The following AFG3L2 variants were observed in gnomAD, a reference collection of about 807,000 sequenced individuals.
AFG3L2 encodes mitochondrial inner membrane m-AAA protease component AFG3L2.
A neutral mutation model predicts 94.5 loss-of-function variants in AFG3L2; 54 were observed. The observed-to-expected ratio is 0.57, with a 90% CI of 0.46 to 0.72. The LOEUF (loss-of-function observed/expected upper bound fraction) is 0.72, where lower values mean the gene tolerates loss of function less well. Among genes scored for constraint, AFG3L2 ranks in the 30% least tolerant of loss-of-function variants. AFG3L2 has a pLI of 0.00. For synonymous variants in AFG3L2, 377 were observed against 365.5 expected (o/e 1.03, Z -0.36); for missense variants, 754 against 994.9 (o/e 0.76, Z 3.26).
At chr18:12,331,816 TA>T (rs1907539251) in intron 16 of AFG3L2, among the ~76,000 whole-genome samples, 1 of 1,492 alleles carries the variant, frequency 6.7e-4, no homozygotes, top group Admixed American at 0.019. Flanking sequence ...TAAATATATA[TA>T]TATATATATA....
chr18:12,334,401 T>C (rs374917311), intron 16 of AFG3L2, among the ~76,000 whole-genome samples: 40 of 152,254 alleles, frequency 2.6e-4, no homozygotes, highest in Admixed American at 2.6e-4. Context: ...ACCTCCTCAG[T>C]GCCTCACAGA....
chr18:12,376,956 A>C lies in AFG3L2; in HGVS notation c.114+13T>G, dbSNP rs991153513. On this transcript the variant is annotated intron_variant, in intron 1 of 16. Coordinates refer to ENST00000269143, the MANE Select transcript of AFG3L2 (RefSeq NM_006796.3). The stretch of plus-strand genomic sequence containing the variant: ...GCAGGGTGGAGGGCGCCGGGCGCCC[A>C]GGTAGGACTCACCGTCCGGAGGCAG... 2.8e-6 allele frequency: 4 copies of C among 1,445,228 alleles called. No individual in the cohort carries two copies. In the African/African-American group the frequency reaches 5.9e-5, roughly 21 times the overall value. The allele number at this position is 1,445,228 out of a possible 1,614,324, so 89.5% of individuals were successfully genotyped here.
In AFG3L2 at chr18:12,350,579, AG is replaced by A. The variant is rs973312997; in HGVS notation, c.1552+505del. Among the ~76,000 whole-genome samples the A allele has an allele frequency of 9.6e-4, 146 of 152,358 alleles. 1 individual carries two copies. Among genetic ancestry groups the A allele is most frequent in the African/African-American group, 3.4e-3 (142 of 41,588 alleles). The stretch of plus-strand genomic sequence containing the variant: ...TGAATTAGTAATTGTTCCTGAAACT[AG>A]GTGACAGGTACAGATGGGTTCATTA... On this transcript the variant is annotated intron_variant, in intron 12 of 16. Coordinates refer to ENST00000269143, the MANE Select transcript of AFG3L2 (RefSeq NM_006796.3).
chr18:12,335,631 A>C (rs747111749), intron 16 of AFG3L2, among the ~76,000 whole-genome samples: 15 of 152,192 alleles, frequency 9.9e-5, no homozygotes, highest in Non-Finnish European at 1.8e-4. Context: ...TTGGGTCTAC[A>C]GGGTCCACCA....
chr18:12,337,300 T>C, intron 16 of AFG3L2, 41 bp downstream of exon 16: 1 of 1,586,190 alleles, frequency 6.3e-7, no homozygotes, highest in Non-Finnish European at 8.7e-7. Context: ...AATCTTTTTT[T>C]TGCAAAACTG....
intron 4 of AFG3L2, 50 bp downstream of exon 4, chr18:12,367,226 T>C (rs377303274): frequency 1.9e-6 from 3 of 1,613,200 alleles, no homozygotes; most frequent in Non-Finnish European, 2.5e-6. Flanking sequence ...CCCAACCTTC[T>C]CTGGGCCACC....
At position 12,370,941 on chromosome 18, in the gene AFG3L2, A is replaced by G; in HGVS notation, c.215-15T>C. The G allele has an allele frequency of 7.0e-7, 1 of 1,426,622 alleles. No individual in the cohort carries two copies. Among genetic ancestry groups the G allele is most frequent in the Non-Finnish European group, 9.8e-7 (1 of 1,022,934 alleles). The allele number at this position is 1,426,622 out of a possible 1,614,324, so 88.4% of individuals were successfully genotyped here. Reference sequence around the variant, plus strand: ...TTTTTCAAATCCTGTTAGAAAAAGAAAAAAAATACTTATCTTCAAACTAAA... The same window carrying G: ...TTTTTCAAATCCTGTTAGAAAAAGAGAAAAAATACTTATCTTCAAACTAAA... On this transcript the variant is annotated splice_polypyrimidine_tract_variant and intron_variant, in intron 2 of 16. Coordinates refer to ENST00000269143, the MANE Select transcript of AFG3L2 (RefSeq NM_006796.3).
intron 3 of AFG3L2, among the ~76,000 whole-genome samples, chr18:12,369,811 C>T (rs1041921632): frequency 2.6e-5 from 4 of 151,800 alleles, no homozygotes; most frequent in Non-Finnish European, 4.4e-5. Flanking sequence ...AATCCCAGCA[C>T]TTTGGGAGGC....
Position 12,359,944 on chromosome 18 carries a change from G to A in AFG3L2, c.735C>T (p.Tyr245=). 11 of 1,613,750 alleles carry A rather than the reference G, an allele frequency of 6.8e-6. No individual in the cohort carries two copies. The highest frequency in any genetic ancestry group is 9.3e-6 in the Non-Finnish European group (11 of 1,180,016). Residue 245 remains tyrosine (Y), a synonymous_variant, in exon 7 of 17, where the codon TAC becomes TAT. Transcript: ENST00000269143. The stretch of plus-strand genomic sequence containing the variant: ...GAGATTACCCATCACTTTCAGCAAT[G>A]TAGACAACAGGCACCCGATTTTCTC... ...IEGENRVPVV[Y]IAESDGSFLL... is the part of the protein sequence containing the mutation.
chr18:12,353,060 A>C lies in AFG3L2; in HGVS notation c.1263T>G (p.Phe421Leu). The change falls in exon 10 of 17, where the codon TTT (phenylalanine) becomes TTG (leucine). Residue 421 changes from phenylalanine (F) to leucine (L), a missense_variant. Physicochemically the swap from Phe to Leu is conservative, Grantham distance 22. This residue lies in a region of AFG3L2 where 109 missense variants were observed against 227.1 expected (regional missense o/e 0.48). Coordinates refer to ENST00000269143, the MANE Select transcript of AFG3L2 (RefSeq NM_006796.3). ...AVGRKRGRGN[F>L]GGQSEQENTL... ...TGTTCTCCTGCTCACTCTGCCCTCCAAAGTTGCCTCTTCCTCTCTTCCTTC... is the reference window on the plus strand; with the variant it reads ...TGTTCTCCTGCTCACTCTGCCCTCCCAAGTTGCCTCTTCCTCTCTTCCTTC... 6.2e-7 allele frequency: 1 copy of C among 1,614,038 alleles called. No individual in the cohort carries two copies.
At position 12,358,662 on chromosome 18, in the gene AFG3L2, C is replaced by CTT. The variant is rs1568142446; in HGVS notation, c.1026+7_1026+8insAA. 2 of 1,613,312 alleles carry CTT rather than the reference C, an allele frequency of 1.2e-6. No homozygotes were observed. The highest frequency in any genetic ancestry group is 8.5e-7 in the Non-Finnish European group (1 of 1,179,558). On this transcript the variant is annotated splice_region_variant and intron_variant, in intron 8 of 16. Coordinates refer to ENST00000269143, the MANE Select transcript of AFG3L2 (RefSeq NM_006796.3). ...ATTTCAAAAAGTTAATCTTAAATTT[C>CTT]ATTTTACCTTTGGGATTTTTGCTCC...
At chr18:12,359,082 C>A in intron 7 of AFG3L2, 139 bp from the exon 8 acceptor site, 1 of 1,279,486 alleles carries the variant, frequency 7.8e-7, no homozygotes, top group South Asian at 1.4e-5. Context: ...GGGTAACTTG[C>A]AAGTGTTCTT....
chr18:12,336,586 C>G (rs1282753737), intron 16 of AFG3L2, among the ~76,000 whole-genome samples: 3 of 152,324 alleles, frequency 2.0e-5, no homozygotes, highest in Non-Finnish European at 4.4e-5. Context: ...TAAGCTCTTT[C>G]TCTACTGCAA....
intron 12 of AFG3L2, 92 bp from the exon 13 acceptor site, chr18:12,348,475 T>A: frequency 1.1e-6 from 1 of 949,604 alleles, no homozygotes; most frequent in Non-Finnish European, 1.7e-6. Flanking sequence ...AGTTAATTTT[T>A]AAATCAGCAG....
chr18:12,340,769 A>G (rs1394764961), intron 14 of AFG3L2, among the ~76,000 whole-genome samples: 1 of 151,736 alleles, frequency 6.6e-6, no homozygotes, highest in Non-Finnish European at 1.5e-5. Flanking sequence ...CTAATTTTTT[A>G]TTTTTAGTAA....
chr18:12,358,754 C>A lies in AFG3L2; in HGVS notation c.942G>T (p.Glu314Asp). 2 of 1,614,250 alleles carry A rather than the reference C, an allele frequency of 1.2e-6. No homozygotes were observed. Among genetic ancestry groups the A allele is most frequent in the Non-Finnish European group, 1.7e-6 (2 of 1,180,046 alleles). Residue 314 changes from glutamate to aspartate, a missense_variant, in exon 8 of 17, where the codon GAG becomes GAT. Physicochemically the swap from Glu to Asp is conservative, Grantham distance 45. This residue lies in a region of AFG3L2 where 109 missense variants were observed against 227.1 expected (regional missense o/e 0.48). Transcript: ENST00000269143. Reference sequence around the variant, plus strand: ...ATTCCATGATCTCTAGCTTGGCCTCCTCACAGCCAGCCACATCTTTGAACT... The same window carrying A: ...ATTCCATGATCTCTAGCTTGGCCTCATCACAGCCAGCCACATCTTTGAACT... The part of the protein sequence containing the change: ...DVKFKDVAGC[E>D]EAKLEIMEFV...
Position 12,348,303 on chromosome 18 carries a change from A to C in AFG3L2, c.1633T>G (p.Phe545Val). The C allele has an allele frequency of 1.2e-6, 2 of 1,614,146 alleles. No individual in the cohort carries two copies. Among genetic ancestry groups the C allele is most frequent in the Non-Finnish European group, 1.7e-6 (2 of 1,179,998 alleles). Residue 545 changes from phenylalanine to valine, a missense_variant, in exon 13 of 17, where the codon TTT (phenylalanine) becomes GTT (valine). Physicochemically the swap from Phe to Val is conservative, Grantham distance 50 (BLOSUM62 -1). Around this residue, in one of 4 missense-constraint regions of AFG3L2, gnomAD observed 279 missense variants for 378.6 expected, o/e 0.74. Transcript: ENST00000269143. ...ATCACTCGTTCAATTGCCTGTTCAA[A>C]GTGTTTCTGATTTATGGAATCTGAC... Reference protein sequence around the residue: ...HLSDSINQKHFEQAIERVIGG... With the variant: ...HLSDSINQKHVEQAIERVIGG...
chr18:12,353,031 A>AG lies in AFG3L2; in HGVS notation c.1291dup (p.Leu431ProfsTer12). 6.2e-7 allele frequency: 1 copy of AG among 1,613,706 alleles called. No individual in the cohort carries two copies. Among genetic ancestry groups the AG allele is most frequent in the Non-Finnish European group, 8.5e-7 (1 of 1,179,964 alleles). ...ATCCATCTCCACCAGCAGCTGGTTG[A>AG]GTGTGTTCTCCTGCTCACTCTGCCC... On this transcript the variant is annotated frameshift_variant, in exon 10 of 17. Coordinates refer to ENST00000269143, the MANE Select transcript of AFG3L2 (RefSeq NM_006796.3). LOFTEE classifies it high-confidence loss of function.
intron 16 of AFG3L2, among the ~76,000 whole-genome samples, chr18:12,336,343 T>C (rs1298791656): frequency 6.6e-6 from 1 of 152,234 alleles, no homozygotes; most frequent in African/African-American, 2.4e-5. Context: ...TGACAACCAA[T>C]GGCTCCACCT....
Sources: allele counts gnomAD v4.1 joint callset (sites outside exome capture counted in the v4.1 genomes callset), GRCh38; gene constraint gnomAD v4.1.1; regional missense constraint gnomAD v4.1.1; transcripts MANE v1.5; gene names NCBI Gene and HGNC (gene_info 2026-07-23, HGNC 2026-07-21).